CADM1: variants seen among roughly 807,000 people sequenced by gnomAD.
The protein encoded by CADM1 is cell adhesion molecule 1, also known as TSLC-1.
In CADM1, 15 loss-of-function variants were observed where a neutral mutation model predicts 53.1. That is an observed-to-expected ratio of 0.28 (90% CI 0.19 to 0.44). The LOEUF (loss-of-function observed/expected upper bound fraction) is 0.44, where lower values mean the gene tolerates loss of function less well. Among genes scored for constraint, CADM1 ranks in the 20% least tolerant of loss-of-function variants. CADM1 has a pLI of 1.00. For synonymous variants in CADM1, 281 were observed against 243.0 expected, an observed-to-expected ratio of 1.16 and a Z score of -1.45; for missense variants, 434 against 611.3, an observed-to-expected ratio of 0.71 and a Z score of 3.06.
chr11:115,205,250 A>G (rs1214553039), intron 8 of CADM1, among the ~76,000 whole-genome samples: 2 of 152,184 alleles, frequency 1.3e-5, no homozygotes, highest in Non-Finnish European at 2.9e-5. Context: ...GCAACCAGGT[A>G]CAAACAAAAC....
At chr11:115,330,182 T>C (rs942944483) in intron 1 of CADM1, among the ~76,000 whole-genome samples, 1 of 152,012 alleles carries the variant, frequency 6.6e-6, no homozygotes, top group Non-Finnish European at 1.5e-5. Flanking sequence ...CCATATCAAC[T>C]GGATGAATTT....
intron 1 of CADM1, among the ~76,000 whole-genome samples, chr11:115,298,141 C>T (rs573180487): frequency 6.6e-6 from 1 of 152,190 alleles, no homozygotes; most frequent in Non-Finnish European, 1.5e-5. Context: ...AAAGTAGAGA[C>T]TTAGACACAA....
At chr11:115,400,302 C>T (rs1275567768) in intron 1 of CADM1, among the ~76,000 whole-genome samples, 1 of 151,662 alleles carries the variant, frequency 6.6e-6, no homozygotes, top group Non-Finnish European at 1.5e-5. Context: ...ACAGCTTCTA[C>T]AAGTGAAAGA....
chr11:115,229,320 TCA>T, intron 4 of CADM1, 49 bp from the exon 5 acceptor site: 1 of 1,595,446 alleles, frequency 6.3e-7, no homozygotes, highest in South Asian at 1.1e-5. Context: ...TGAATTTCCA[TCA>T]GTTTGTTTTT....
intron 1 of CADM1, among the ~76,000 whole-genome samples, chr11:115,268,779 C>T (rs865839654): frequency 1.3e-5 from 2 of 152,210 alleles, no homozygotes; most frequent in East Asian, 1.9e-4. Context: ...CGTTCCTGAG[C>T]CCCTCTTTAG....
intron 1 of CADM1, among the ~76,000 whole-genome samples, chr11:115,392,748 T>C (rs1032540721): frequency 6.6e-6 from 1 of 151,996 alleles, no homozygotes; most frequent in Non-Finnish European, 1.5e-5. Context: ...AGACAACCAT[T>C]ATCTGACCCA....
At position 115,175,800 on chromosome 11, in the gene CADM1, G is replaced by A. The variant is rs1939000627; in HGVS notation, c.*674C>T. The stretch of plus-strand genomic sequence containing the variant: ...CAAACAGAACATTTTCTGAATCACA[G>A]TCTAATTTTCTAGTCTTCACTGCTC... On this transcript the variant is annotated 3_prime_UTR_variant, in exon 12 of 12. Transcript: ENST00000331581. 1.0e-6 allele frequency: 1 copy of A among 992,666 alleles called. No homozygotes were observed. 61.5% of individuals were successfully genotyped at this position (992,666 alleles called of 1,614,324 possible). A position where few individuals can be genotyped will look rare whatever the true frequency, so the allele number is the denominator to read the frequency against.
chr11:115,466,082 G>A (rs1948893347), intron 1 of CADM1, among the ~76,000 whole-genome samples: 1 of 151,942 alleles, frequency 6.6e-6, no homozygotes, highest in East Asian at 1.9e-4. Context: ...TTAGTTTCTG[G>A]TAAAGACATG....
chr11:115,489,414 G>C (rs934554575), intron 1 of CADM1, among the ~76,000 whole-genome samples: 2 of 152,114 alleles, frequency 1.3e-5, no homozygotes, highest in Non-Finnish European at 2.9e-5. Flanking sequence ...CCAACAACCA[G>C]TATTTATAAG....
intron 3 of CADM1, among the ~76,000 whole-genome samples, chr11:115,234,472 A>C (rs1259796716): frequency 2.6e-5 from 4 of 152,168 alleles, no homozygotes; most frequent in African/African-American, 9.7e-5. Flanking sequence ...CAACAGATAA[A>C]TTCTACTCTG....
chr11:115,471,191 C>T (rs549381666), intron 1 of CADM1, among the ~76,000 whole-genome samples: 38 of 152,204 alleles, frequency 2.5e-4, no homozygotes, highest in Non-Finnish European at 4.1e-4. Flanking sequence ...AATTGACAGA[C>T]CAAAAATTTG....
At chr11:115,361,384 AT>A (rs1294443058) in intron 1 of CADM1, among the ~76,000 whole-genome samples, 2 of 152,222 alleles carry the variant, frequency 1.3e-5, no homozygotes, top group Non-Finnish European at 2.9e-5. Flanking sequence ...ATCAGAATGT[AT>A]AACTCAGATT....
intron 1 of CADM1, among the ~76,000 whole-genome samples, chr11:115,362,229 C>CTATA (rs1373203488): frequency 3.3e-5 from 5 of 152,008 alleles, no homozygotes; most frequent in Non-Finnish European, 5.9e-5. Flanking sequence ...GGCAGAATTG[C>CTATA]CTAAGAAGCA....
At chr11:115,411,395 G>A (rs1947456729) in intron 1 of CADM1, among the ~76,000 whole-genome samples, 1 of 152,150 alleles carries the variant, frequency 6.6e-6, no homozygotes, top group Non-Finnish European at 1.5e-5. Flanking sequence ...TTTGGATAAT[G>A]TTCCTGACTT....
chr11:115,357,704 G>A (rs1945913550), intron 1 of CADM1, among the ~76,000 whole-genome samples: 1 of 152,140 alleles, frequency 6.6e-6, no homozygotes, highest in Non-Finnish European at 1.5e-5. Flanking sequence ...CCCAGCATAT[G>A]GCAAGTGCTC....
chr11:115,202,821 G>A (rs1157323042), intron 8 of CADM1, among the ~76,000 whole-genome samples: 2 of 150,214 alleles, frequency 1.3e-5, no homozygotes, highest in African/African-American at 4.9e-5. Flanking sequence ...GTTGTGCTGT[G>A]CTGGCCAATA....
intron 1 of CADM1, among the ~76,000 whole-genome samples, chr11:115,486,435 C>T (rs1439810458): frequency 1.3e-5 from 2 of 152,010 alleles, no homozygotes; most frequent in Non-Finnish European, 2.9e-5. Context: ...ATTATAGCCC[C>T]CATCTCCCAG....
At chr11:115,417,403 G>A (rs1415055947) in intron 1 of CADM1, among the ~76,000 whole-genome samples, 1 of 152,146 alleles carries the variant, frequency 6.6e-6, no homozygotes, top group East Asian at 1.9e-4. Flanking sequence ...GACCCCCAGT[G>A]GATGCCTGAA....
chr11:115,196,965 A>C (rs998249961), intron 9 of CADM1, among the ~76,000 whole-genome samples: 1 of 152,172 alleles, frequency 6.6e-6, no homozygotes, highest in African/African-American at 2.4e-5. Context: ...TTACCTTAGA[A>C]AGTGGAAGTT....
Sources: allele counts gnomAD v4.1 joint callset (sites outside exome capture counted in the v4.1 genomes callset), GRCh38; gene constraint gnomAD v4.1.1; transcripts MANE v1.5; gene names NCBI Gene and HGNC (gene_info 2026-07-23, HGNC 2026-07-21).